Variants in ADGRD1 observed in about 807,000 individuals in gnomAD.
ADGRD1 encodes the protein adhesion G protein-coupled receptor D1.
A neutral mutation model predicts 113.4 loss-of-function variants in ADGRD1; 77 were observed. That is an observed-to-expected ratio of 0.68 (90% CI 0.57 to 0.82). The LOEUF is 0.82. Among genes scored for constraint, ADGRD1 ranks in the 40% least tolerant of loss-of-function variants. The pLI, the probability that ADGRD1 is intolerant of heterozygous loss-of-function variation, is 0.00. For missense variants in ADGRD1, 1,036 were observed against 1,139.1 expected (o/e 0.91, Z 1.30); for synonymous variants, 474 against 475.0 (o/e 1.00, Z 0.03).
intron 15 of ADGRD1, among the ~76,000 whole-genome samples, chr12:131,094,575 C>T (rs902917286): frequency 8.9e-5 from 12 of 134,410 alleles, no homozygotes; most frequent in Admixed American, 1.7e-4. Context: ...TTGGTTTGTT[C>T]AGCAGCGCCC....
chr12:131,030,080 G>A (rs55919556), intron 13 of ADGRD1, among the ~76,000 whole-genome samples: 4 of 112,884 alleles, frequency 3.5e-5, no homozygotes, highest in South Asian at 3.1e-4. Context: ...TGGACCCGTC[G>A]TAGGTGACAT....
intron 4 of ADGRD1, among the ~76,000 whole-genome samples, chr12:130,975,732 G>A (rs187785028): frequency 1.3e-4 from 20 of 152,260 alleles, no homozygotes; most frequent in Non-Finnish European, 2.5e-4. Context: ...GATGTTATTT[G>A]ATATAACAAG....
Position 131,105,805 on chromosome 12 carries a change from C to T in ADGRD1, c.1827C>T (p.Ser609=). The T allele has an allele frequency of 6.2e-7, 1 of 1,601,210 alleles. No homozygotes were observed. Among genetic ancestry groups the T allele is most frequent in the Non-Finnish European group, 8.5e-7 (1 of 1,179,956 alleles). ...NQRYHIHANL[S]FAVLVAQVLL... ...GCTACCACATCCACGCCAACCTGTC[C>T]TTCGCCGTGCTGGTGGCCCAGGTCC... Residue 609 remains serine (S), a synonymous_variant, in exon 17 of 25, where the codon TCC becomes TCT. Transcript: ENST00000261654.
intron 22 of ADGRD1, among the ~76,000 whole-genome samples, chr12:131,136,609 C>T (rs1951094087): frequency 6.6e-6 from 1 of 152,252 alleles, no homozygotes; most frequent in African/African-American, 2.4e-5. Flanking sequence ...TCCCCATCGC[C>T]ATCCATGGCC....
intron 8 of ADGRD1, among the ~76,000 whole-genome samples, chr12:130,999,541 CTGGAGATGGCGGTTTGG>C (rs1367684399): frequency 6.6e-6 from 1 of 152,212 alleles, no homozygotes; most frequent in Non-Finnish European, 1.5e-5. Flanking sequence ...CGTGAGTATT[CTGGAGATGGCGGTTTGG>C]TGGAAATATG....
chr12:131,115,460 C>G (rs1950442808), intron 18 of ADGRD1, among the ~76,000 whole-genome samples: 1 of 152,188 alleles, frequency 6.6e-6, no homozygotes, highest in South Asian at 2.1e-4. Context: ...TTCCACAGTT[C>G]CCTGGTATTG....
chr12:130,982,486 C>A (rs1685026511), intron 5 of ADGRD1, among the ~76,000 whole-genome samples: 1 of 152,360 alleles, frequency 6.6e-6, no homozygotes, highest in Middle Eastern at 3.4e-3. Flanking sequence ...TCCTCATCTG[C>A]CTCCTTTTTC....
In ADGRD1 at chr12:130,966,503, G is replaced by T; in HGVS notation, c.144G>T (p.Leu48=). 1 of 1,612,072 alleles carries T rather than the reference G, an allele frequency of 6.2e-7. No individual in the cohort carries two copies. Among genetic ancestry groups the T allele is most frequent in the Non-Finnish European group, 8.5e-7 (1 of 1,178,110 alleles). ...CGTCTGCTTCCCATTACTGGCCACTGGAGAATGTGGATGGGATCCATGAAC... is the reference window on the plus strand; with the variant it reads ...CGTCTGCTTCCCATTACTGGCCACTTGAGAATGTGGATGGGATCCATGAAC... ...VLASASHYWP[L]ENVDGIHELQ... The change falls in exon 3 of 25, where the codon CTG becomes CTT. Residue 48 remains leucine, a synonymous_variant. Transcript: ENST00000261654. The surrounding 1 kb of genome is among the most constrained non-coding windows in gnomAD (Gnocchi z 4.6).
intron 2 of ADGRD1, among the ~76,000 whole-genome samples, chr12:130,958,906 G>C (rs996429566): frequency 6.6e-6 from 1 of 152,226 alleles, no homozygotes; most frequent in East Asian, 1.9e-4. Context: ...CCCTCGCACC[G>C]CGGGTGGAGA....
chr12:130,972,846 G>A (rs1871846691), intron 4 of ADGRD1, among the ~76,000 whole-genome samples: 1 of 152,072 alleles, frequency 6.6e-6, no homozygotes, highest in African/African-American at 2.4e-5. Flanking sequence ...GATGGTGCAG[G>A]TGCCAGGGGT....
intron 22 of ADGRD1, among the ~76,000 whole-genome samples, chr12:131,136,735 C>T (rs2280682): frequency 0.1 from 15,794 of 152,306 alleles, 840 homozygotes; most frequent in African/African-American, 0.15. Flanking sequence ...CACCTGCTGC[C>T]GCACCTATGC....
intron 13 of ADGRD1, among the ~76,000 whole-genome samples, chr12:131,015,423 G>GA (rs1878440238): frequency 6.6e-6 from 1 of 151,966 alleles, no homozygotes; most frequent in African/African-American, 2.4e-5. Context: ...GATGGAGACG[G>GA]GACTGGATAT....
chr12:131,129,862 T>C (rs1401677083), intron 20 of ADGRD1, among the ~76,000 whole-genome samples: 1 of 152,260 alleles, frequency 6.6e-6, no homozygotes, highest in Non-Finnish European at 1.5e-5. Flanking sequence ...TGTGATGCTG[T>C]AGCCACCACT....
rs1480839941 is a variant in ADGRD1 at position 131,057,916 on chromosome 12, C to T, written c.1474-18885C>T. On this transcript the variant is annotated intron_variant, in intron 13 of 24. Coordinates refer to ENST00000261654, the MANE Select transcript of ADGRD1 (RefSeq NM_198827.5). The surrounding 1 kb of genome is among the most constrained non-coding windows in gnomAD (Gnocchi z 4.2). Reference sequence around the variant, plus strand: ...CTGCAGGACTGACCGCAGCCGTCTTCGTGCTCATCTCGCTTCTTTCTTGTT... The same window carrying T: ...CTGCAGGACTGACCGCAGCCGTCTTTGTGCTCATCTCGCTTCTTTCTTGTT... Among the ~76,000 whole-genome samples, 2 of 152,174 alleles carry T rather than the reference C, an allele frequency of 1.3e-5. No individual in the cohort carries two copies. Among genetic ancestry groups the T allele is most frequent in the African/African-American group, 4.8e-5 (2 of 41,432 alleles).
chr12:131,138,286 G>A, intron 24 of ADGRD1, 57 bp downstream of exon 24: 4 of 1,478,522 alleles, frequency 2.7e-6, no homozygotes, highest in African/African-American at 1.4e-5. Flanking sequence ...CCCAGGCTCG[G>A]TTGTCAGCAG....
chr12:130,973,030 A>C (rs1399701370), intron 4 of ADGRD1: 1 of 152,154 alleles, frequency 6.6e-6, no homozygotes, highest in African/African-American at 2.4e-5. Context: ...ATCGGGTTAA[A>C]ATTTTAAAAT....
At chr12:131,116,209 CAG>C (rs1373386718) in intron 18 of ADGRD1, among the ~76,000 whole-genome samples, 3 of 152,180 alleles carry the variant, frequency 2.0e-5, no homozygotes, top group Non-Finnish European at 2.9e-5. Flanking sequence ...CTGCTGGACA[CAG>C]GGGTAGATGC....
rs1880131332 is a variant in ADGRD1 at position 131,027,770 on chromosome 12, G to A, written c.1473+13430G>A. ...TGCCAGCCATGTTTTAAAAGCAAACGTGTTATTGGAGTATAACATGCCTGC... is the reference window on the plus strand; with the variant it reads ...TGCCAGCCATGTTTTAAAAGCAAACATGTTATTGGAGTATAACATGCCTGC... On this transcript the variant is annotated intron_variant, in intron 13 of 24. Transcript: ENST00000261654. This position sits in a 1 kb window ranked among gnomAD's most constrained non-coding sequence, Gnocchi z 5.1. 6.6e-6 allele frequency: 1 copy of A among 152,158 alleles called. No individual in the cohort carries two copies. Among genetic ancestry groups the A allele is most frequent in the Non-Finnish European group, 1.5e-5 (1 of 68,028 alleles). 9.4% of individuals were successfully genotyped at this position (152,158 alleles called of 1,614,324 possible).
Position 131,096,239 on chromosome 12 carries a change from AT to A in ADGRD1, c.1672-8587del, listed in dbSNP as rs1887274217. On this transcript the variant is annotated intron_variant, in intron 15 of 24. Coordinates refer to ENST00000261654, the MANE Select transcript of ADGRD1 (RefSeq NM_198827.5). This position sits in a 1 kb window ranked among gnomAD's most constrained non-coding sequence, Gnocchi z 5.2. Reference sequence around the variant, plus strand: ...GTGAAGCATAAAGACTGCACCCTTTATTTTTATTTACAATTTATTTGTGTTA... The same window carrying A: ...GTGAAGCATAAAGACTGCACCCTTTATTTTATTTACAATTTATTTGTGTTA... Among the ~76,000 whole-genome samples the A allele has an allele frequency of 6.6e-6, 1 of 152,118 alleles. No homozygotes were observed. The highest frequency in any genetic ancestry group is 6.5e-5 in the Admixed American group (1 of 15,282).
Sources: gnomAD v4.1 joint callset for allele counts (sites outside exome capture counted in the v4.1 genomes callset) on GRCh38, gnomAD v4.1.1 for gene constraint, Gnocchi (gnomAD v3.1) non-coding constraint, MANE v1.5 for transcripts, NCBI Gene and HGNC (gene_info 2026-07-23, HGNC 2026-07-21) for gene names.